The following ANKS4B variants were observed in gnomAD, a reference collection of about 807,000 sequenced individuals.
The protein encoded by ANKS4B is ankyrin repeat and SAM domain-containing protein 4B.
In ANKS4B, 21 loss-of-function variants were observed where a neutral mutation model predicts 20.2. The observed-to-expected ratio is 1.04, with a 90% confidence interval of 0.74 to 1.50. The LOEUF (loss-of-function observed/expected upper bound fraction) is 1.50, where lower values mean the gene tolerates loss of function less well. Among genes scored for constraint, ANKS4B ranks in the 40% most tolerant of loss-of-function variants. The pLI, the probability that ANKS4B is intolerant of heterozygous loss-of-function variation, is 0.00. For synonymous variants in ANKS4B, 179 were observed against 194.5 expected (o/e 0.92, Z 0.66); for missense variants, 473 against 494.6 (o/e 0.96, Z 0.41).
Position 21,250,281 on chromosome 16 carries a change from G to T in ANKS4B, c.715G>T (p.Glu239Ter), listed in dbSNP as rs1470118763. ...NVMEVFREEE[E>*]DSFSGDFKEK... ...GATGGAAGTGTTCAGAGAGGAAGAG[G>T]AAGACTCGTTCTCAGGGGACTTCAA... Residue 239 changes from glutamate to a stop codon, truncating the protein, a stop_gained, in exon 2 of 2, where the codon GAA (glutamate) becomes TAA (stop). Transcript: ENST00000311620. LOFTEE classifies it high-confidence loss of function. 1 of 1,614,106 alleles carries T rather than the reference G, an allele frequency of 6.2e-7. No individual in the cohort carries two copies. Among genetic ancestry groups the T allele is most frequent in the Non-Finnish European group, 8.5e-7 (1 of 1,180,050 alleles).
At chr16:21,241,651 A>G (rs2093326671) in intron 1 of ANKS4B, among the ~76,000 whole-genome samples, 1 of 152,154 alleles carries the variant, frequency 6.6e-6, no homozygotes. Context: ...GCCTCAAGTG[A>G]TCAACCCACC....
At chr16:21,238,098 T>C (rs891160014) in intron 1 of ANKS4B, among the ~76,000 whole-genome samples, 1 of 152,202 alleles carries the variant, frequency 6.6e-6, no homozygotes, top group Admixed American at 6.5e-5. Flanking sequence ...TGAATCCGGG[T>C]GGTGGAGGTT....
rs1480463859 is a variant in ANKS4B at position 21,250,526 on chromosome 16, A to G, written c.960A>G (p.Gly320=). ...ATGAGGGTGCAGCTGATGAAGAGGG[A>G]GAGGAAAACGGCCTCAAAGATGATC... The part of the protein sequence containing the change: ...EADEGAADEE[G]EENGLKDDLP... Residue 320 remains glycine, a synonymous_variant, in exon 2 of 2, where the codon GGA becomes GGG. Coordinates refer to ENST00000311620, the MANE Select transcript of ANKS4B (RefSeq NM_145865.3). The G allele has an allele frequency of 2.5e-6, 4 of 1,614,062 alleles. No individual in the cohort carries two copies. The highest frequency in any genetic ancestry group is 3.4e-6 in the Non-Finnish European group (4 of 1,180,044).
At chr16:21,248,286 G>A (rs1000928051) in intron 1 of ANKS4B, among the ~76,000 whole-genome samples, 1 of 148,816 alleles carries the variant, frequency 6.7e-6, no homozygotes, top group South Asian at 2.1e-4. Context: ...CAGCCTCCCA[G>A]TGCTGGGATT....
intron 1 of ANKS4B, among the ~76,000 whole-genome samples, chr16:21,248,501 G>T (rs926339580): frequency 2.0e-5 from 3 of 151,784 alleles, no homozygotes; most frequent in African/African-American, 7.3e-5. Context: ...AGGCTGAGGC[G>T]GGTGGATCAC....
At chr16:21,243,110 A>G (rs1951482003) in intron 1 of ANKS4B, among the ~76,000 whole-genome samples, 1 of 152,188 alleles carries the variant, frequency 6.6e-6, no homozygotes, top group Admixed American at 6.5e-5. Context: ...AATAGTTGAG[A>G]ACTTCACAAA....
chr16:21,241,978 G>T (rs983385337), intron 1 of ANKS4B, among the ~76,000 whole-genome samples: 4 of 152,058 alleles, frequency 2.6e-5, no homozygotes, highest in Non-Finnish European at 1.5e-5. Flanking sequence ...CAGGAGGATT[G>T]CTTGAGGCCA....
intron 1 of ANKS4B, among the ~76,000 whole-genome samples, chr16:21,240,602 C>G (rs2152859401): frequency 6.6e-6 from 1 of 152,198 alleles, no homozygotes; most frequent in African/African-American, 2.4e-5. Context: ...CAGTTATCAA[C>G]ATTTGGGTAC....
intron 1 of ANKS4B, among the ~76,000 whole-genome samples, chr16:21,248,010 C>A (rs1396456623): frequency 6.6e-6 from 1 of 152,134 alleles, no homozygotes; most frequent in Non-Finnish European, 1.5e-5. Flanking sequence ...CTCCAACATC[C>A]TTTTCTTTCT....
intron 1 of ANKS4B, among the ~76,000 whole-genome samples, chr16:21,248,738 A>G (rs528570565): frequency 6.6e-6 from 1 of 152,160 alleles, no homozygotes; most frequent in South Asian, 2.1e-4. Flanking sequence ...CTCAAAAAAA[A>G]TTATATAAAC....
intron 1 of ANKS4B, among the ~76,000 whole-genome samples, chr16:21,241,686 A>T (rs892471537): frequency 6.6e-6 from 1 of 152,200 alleles, no homozygotes; most frequent in Non-Finnish European, 1.5e-5. Flanking sequence ...TGCTAGGATT[A>T]TAGGCGTGAG....
chr16:21,234,483 T>TACACACACAC (rs34242527), intron 1 of ANKS4B, among the ~76,000 whole-genome samples: 255 of 124,716 alleles, frequency 2.0e-3, no homozygotes, highest in East Asian at 3.3e-3. Flanking sequence ...AGTGGATAGA[T>TACACACACAC]ACACACACAC....
At chr16:21,246,773 AT>A (rs1398801577) in intron 1 of ANKS4B, among the ~76,000 whole-genome samples, 1 of 152,126 alleles carries the variant, frequency 6.6e-6, no homozygotes, top group East Asian at 1.9e-4. Context: ...TCTGAGTCTT[AT>A]TTTATTCCTG....
At chr16:21,241,287 A>G (rs1204085631) in intron 1 of ANKS4B, among the ~76,000 whole-genome samples, 1 of 152,006 alleles carries the variant, frequency 6.6e-6, no homozygotes, top group Admixed American at 6.5e-5. Flanking sequence ...GTGAGTACCC[A>G]ATGTTTAGCT....
At chr16:21,240,352 G>A (rs1275950208) in intron 1 of ANKS4B, among the ~76,000 whole-genome samples, 1 of 151,768 alleles carries the variant, frequency 6.6e-6, no homozygotes, top group African/African-American at 2.4e-5. Flanking sequence ...GCAATGATGG[G>A]ATCTTGGCTC....
intron 1 of ANKS4B, among the ~76,000 whole-genome samples, chr16:21,236,623 C>G (rs1321711431): frequency 1.3e-5 from 2 of 152,080 alleles, no homozygotes; most frequent in Non-Finnish European, 2.9e-5. Context: ...GTTGCCCAGG[C>G]TGGTCTCGAA....
intron 1 of ANKS4B, 78 bp downstream of exon 1, chr16:21,233,979 G>T (rs1252903265): frequency 3.7e-6 from 5 of 1,345,726 alleles, no homozygotes; most frequent in Non-Finnish European, 4.1e-6. Context: ...AGGCAGGGAC[G>T]TCAATACAAA....
chr16:21,236,132 T>C (rs922529420), intron 1 of ANKS4B, among the ~76,000 whole-genome samples: 10 of 152,200 alleles, frequency 6.6e-5, no homozygotes, highest in Admixed American at 2.6e-4. Flanking sequence ...TTGGGGAGCC[T>C]TCAGGAAGCT....
chr16:21,246,607 G>A (rs2093332686), intron 1 of ANKS4B, among the ~76,000 whole-genome samples: 1 of 152,086 alleles, frequency 6.6e-6, no homozygotes, highest in Non-Finnish European at 1.5e-5. Flanking sequence ...AAGAAACCAA[G>A]TCCTAGAAAA....
Sources: allele counts gnomAD v4.1 joint callset (sites outside exome capture counted in the v4.1 genomes callset), GRCh38; gene constraint gnomAD v4.1.1; transcripts MANE v1.5; gene names NCBI Gene and HGNC (gene_info 2026-07-23, HGNC 2026-07-21).